Variants in TNC observed in about 807,000 individuals in gnomAD.
The protein encoded by TNC is tenascin.
TNC carries 109 observed loss-of-function variants against 202.4 expected under a neutral mutation model. The observed-to-expected ratio is 0.54, with a 90% CI of 0.46 to 0.63. The LOEUF (loss-of-function observed/expected upper bound fraction) is 0.63. TNC is among the 30% of genes least tolerant of loss of function. The pLI, the probability that TNC is intolerant of heterozygous loss-of-function variation, is 0.00. For missense variants in TNC, 2,756 were observed against 2,833.3 expected, an observed-to-expected ratio of 0.97 and a Z score of 0.62; for synonymous variants, 1,007 against 1,089.7, an observed-to-expected ratio of 0.92 and a Z score of 1.50.
At chr9:115,095,703 T>G (rs1835737894) in intron 1 of TNC, among the ~76,000 whole-genome samples, 1 of 139,082 alleles carries the variant, frequency 7.2e-6, no homozygotes, top group Non-Finnish European at 1.5e-5. Context: ...TGTATATATA[T>G]GTATATATAT....
intron 21 of TNC, chr9:115,035,725 A>G (rs1317083958): frequency 1.1e-5 from 3 of 273,178 alleles, no homozygotes; most frequent in Non-Finnish European, 2.1e-5. Flanking sequence ...CTCAATGTAT[A>G]GAAACCTAAC....
chr9:115,117,446 C>T (rs1588265661), intron 1 of TNC, among the ~76,000 whole-genome samples: 1 of 152,208 alleles, frequency 6.6e-6, no homozygotes, highest in South Asian at 2.1e-4. Context: ...TGTCCCCCAG[C>T]TCTCATTTCC....
chr9:115,025,419 C>T (rs533585939), intron 26 of TNC, among the ~76,000 whole-genome samples: 2 of 152,232 alleles, frequency 1.3e-5, no homozygotes, highest in East Asian at 3.9e-4. Flanking sequence ...GACTTTTCAC[C>T]TTATGGATGT....
intron 23 of TNC, among the ~76,000 whole-genome samples, chr9:115,030,810 A>G (rs1045697218): frequency 6.6e-6 from 1 of 152,176 alleles, no homozygotes; most frequent in African/African-American, 2.4e-5. Flanking sequence ...GGGCTCTCCA[A>G]AGGCCAGCTC....
chr9:115,052,977 T>C (rs1203153275), intron 15 of TNC: 1 of 702,502 alleles, frequency 1.4e-6, no homozygotes, highest in Non-Finnish European at 2.6e-6. Context: ...TTTGGAGTAA[T>C]ATTGCTAAAG....
At chr9:115,075,910 C>T (rs748599279) in intron 9 of TNC, 122 bp downstream of exon 9, 7 of 802,140 alleles carry the variant, frequency 8.7e-6, no homozygotes, top group Non-Finnish European at 1.5e-5. Flanking sequence ...CTAGATGGTA[C>T]TACAGGGCCC....
At chr9:115,085,830 G>A (rs1834666375) in intron 3 of TNC, 34 bp downstream of exon 3, 1 of 1,562,348 alleles carries the variant, frequency 6.4e-7, no homozygotes, top group Non-Finnish European at 8.7e-7. Flanking sequence ...CTCCATCATG[G>A]CCATTATATG....
chr9:115,038,210 C>T (rs1422628268), intron 20 of TNC, 51 bp downstream of exon 20: 2 of 1,586,012 alleles, frequency 1.3e-6, no homozygotes, highest in South Asian at 1.1e-5. Context: ...GAAGAGTTTA[C>T]AGCAGGAAAG....
chr9:115,048,495 G>C lies in TNC; in HGVS notation c.4617C>G (p.Asp1539Glu). 1 of 1,613,784 alleles carries C rather than the reference G, an allele frequency of 6.2e-7. No individual in the cohort carries two copies. Among genetic ancestry groups the C allele is most frequent in the Non-Finnish European group, 8.5e-7 (1 of 1,179,920 alleles). ...AAACTGTGAACCCGTAGGGATTAAT[G>C]TCGGAAATGGTTAGGTTTTCCAGAA... ...LPLLENLTISDINPYGFTVSW... is the reference protein window; with the variant it reads ...LPLLENLTISEINPYGFTVSW... Residue 1539 changes from aspartate (D) to glutamate (E), a missense_variant, in exon 16 of 28, where the codon GAC becomes GAG. Asp to Glu is a conservative substitution (Grantham distance 45). Transcript: ENST00000350763.
In TNC at chr9:115,030,334, A is replaced by G. The variant is rs746858827; in HGVS notation, c.5992T>C (p.Tyr1998His). 2.5e-6 allele frequency: 4 copies of G among 1,613,986 alleles called. No individual in the cohort carries two copies. The highest frequency in any genetic ancestry group is 3.4e-6 in the Non-Finnish European group (4 of 1,179,862). The change falls in exon 24 of 28, where the codon TAC becomes CAC. Residue 1998 changes from tyrosine to histidine, a missense_variant. Coordinates refer to ENST00000350763, the MANE Select transcript of TNC (RefSeq NM_002160.4). ...MLNGDTTSGL[Y>H]TIYLNGDKAE... The stretch of plus-strand genomic sequence containing the variant: ...TTATCACCATTCAGATAAATGGTGT[A>G]GAGGCCAGAGGTCGTGTCTCCATTC...
chr9:115,117,555 G>A (rs1837557044), intron 1 of TNC, among the ~76,000 whole-genome samples: 1 of 152,146 alleles, frequency 6.6e-6, no homozygotes, highest in Admixed American at 6.6e-5. Context: ...TATTCTCCCT[G>A]CACTCCTCTA....
intron 1 of TNC, among the ~76,000 whole-genome samples, chr9:115,117,736 A>G (rs1837571786): frequency 6.6e-6 from 1 of 152,232 alleles, no homozygotes; most frequent in South Asian, 2.1e-4. Context: ...ACAGCAGAAG[A>G]TAACAACTTT....
In TNC at chr9:115,020,885, A is replaced by C; in HGVS notation, c.*272T>G. On this transcript the variant is annotated 3_prime_UTR_variant, in exon 28 of 28. Transcript: ENST00000350763. ...CCAGAGCCACCTAAGAGAAGTAAAA[A>C]ACTATTGCGATGTTGTCACTGGGAG... 1 of 420,372 alleles carries C rather than the reference A, an allele frequency of 2.4e-6. No homozygotes were observed. The highest frequency in any genetic ancestry group is 4.1e-5 in the Admixed American group (1 of 24,582). The allele number at this position is 420,372 out of a possible 1,614,324, so 26.0% of individuals were successfully genotyped here.
intron 13 of TNC, among the ~76,000 whole-genome samples, chr9:115,060,986 A>G (rs534697824): frequency 1.3e-5 from 2 of 152,334 alleles, no homozygotes; most frequent in Admixed American, 1.3e-4. Context: ...CAATGTAGAA[A>G]GGAAATTTAA....
chr9:115,034,912 T>A (rs1830204973), intron 22 of TNC, among the ~76,000 whole-genome samples: 3 of 152,192 alleles, frequency 2.0e-5, no homozygotes. Context: ...TTTTGGCCTT[T>A]GTTCAACAAA....
chr9:115,053,053 A>G, intron 15 of TNC: 1 of 681,306 alleles, frequency 1.5e-6, no homozygotes, highest in East Asian at 2.7e-5. Context: ...AGAGAGAGAC[A>G]TTATTAGAGG....
At chr9:115,035,919 T>G (rs1465002840) in intron 21 of TNC, 179 bp downstream of exon 21, 1 of 685,394 alleles carries the variant, frequency 1.5e-6, no homozygotes. Flanking sequence ...CAAAAGGAAA[T>G]AGTGTGTTTC....
rs781659730 is a variant in TNC, at chr9:115,062,911, A to G, written c.4033+6T>C. ...ATGTCTCCAGTCTGGGAGGAGGGTCATATACCTGTGACGACCTCTACAGCA... is the reference window on the plus strand; with the variant it reads ...ATGTCTCCAGTCTGGGAGGAGGGTCGTATACCTGTGACGACCTCTACAGCA... On this transcript the variant is annotated splice_donor_region_variant and intron_variant, in intron 13 of 27. Transcript: ENST00000350763. The G allele has an allele frequency of 6.2e-7, 1 of 1,611,634 alleles. No homozygotes were observed. The highest frequency in any genetic ancestry group is 2.2e-5 in the East Asian group (1 of 44,812).
rs1490864253 is a variant in TNC, at chr9:115,084,264, T to C, written c.2076A>G (p.Val692=). The change falls in exon 4 of 28, where the codon GTA becomes GTG. Residue 692 remains valine (V), a synonymous_variant. Transcript: ENST00000350763. ...TCTTCTTGTTCTCCAGGATGGCAAA[T>C]ACACGGATAAAGTACTCCACACCAG... ...LEPGVEYFIR[V]FAILENKKSI... is the part of the protein sequence containing the mutation. 4 of 1,614,012 alleles carry C rather than the reference T, an allele frequency of 2.5e-6. No homozygotes were observed. The Admixed American group carries it at 5.0e-5, about 20-fold the overall frequency.
Sources: gnomAD v4.1 joint callset for allele counts (sites outside exome capture counted in the v4.1 genomes callset) on GRCh38, gnomAD v4.1.1 for gene constraint, MANE v1.5 for transcripts, NCBI Gene and HGNC (gene_info 2026-07-23, HGNC 2026-07-21) for gene names.